Variants in ANKFN1 observed in about 807,000 individuals in gnomAD.
ANKFN1 encodes the protein ankyrin repeat and fibronectin type III domain containing 1, also known as ankyrin repeat and fibronectin type-III domain-containing protein 1.
ANKFN1 carries 74 observed loss-of-function variants against 108.7 expected under a neutral mutation model. The ratio of observed to expected loss-of-function variants is 0.68; its 90% CI spans 0.56 to 0.83. The LOEUF is 0.83. Among genes scored for constraint, ANKFN1 ranks in the 40% least tolerant of loss-of-function variants. ANKFN1 has a pLI of 0.00. For missense variants in ANKFN1, 1,505 were observed against 1,382.3 expected (o/e 1.09, Z -1.41); for synonymous variants, 547 against 516.2 (o/e 1.06, Z -0.81).
chr17:56,155,430 T>C (rs1483114693), intron 1 of ANKFN1, among the ~76,000 whole-genome samples: 1 of 152,242 alleles, frequency 6.6e-6, no homozygotes, highest in Non-Finnish European at 1.5e-5. Flanking sequence ...AGCCACGCTC[T>C]GTCTCTTCAT....
At chr17:56,171,212 C>G (rs1910668184) in intron 1 of ANKFN1, among the ~76,000 whole-genome samples, 1 of 152,042 alleles carries the variant, frequency 6.6e-6, no homozygotes, top group Non-Finnish European at 1.5e-5. Flanking sequence ...GTCTTATTTC[C>G]ATCTCCCCTG....
intron 1 of ANKFN1, among the ~76,000 whole-genome samples, chr17:56,164,994 G>A (rs1418059525): frequency 6.6e-6 from 1 of 152,178 alleles, no homozygotes; most frequent in African/African-American, 2.4e-5. Context: ...TGCTAGTTAG[G>A]TGGCACTGGA....
At chr17:56,360,963 T>G (rs1012922575) in intron 6 of ANKFN1, among the ~76,000 whole-genome samples, 3 of 152,218 alleles carry the variant, frequency 2.0e-5, no homozygotes, top group Admixed American at 2.0e-4. Flanking sequence ...AGTTGAAAAT[T>G]TGTACCCTTT....
intron 3 of ANKFN1, among the ~76,000 whole-genome samples, chr17:56,284,882 A>T (rs1177160352): frequency 2.0e-5 from 3 of 152,188 alleles, no homozygotes; most frequent in Non-Finnish European, 2.9e-5. Context: ...TGAGATGAGT[A>T]AAGAAGAGCA....
At chr17:56,422,168 A>G (rs1302024342) in intron 8 of ANKFN1, among the ~76,000 whole-genome samples, 2 of 152,190 alleles carry the variant, frequency 1.3e-5, no homozygotes, top group African/African-American at 4.8e-5. Flanking sequence ...TAAATTATGC[A>G]TTTTAAAAGT....
At chr17:56,453,263 T>G (rs2049556529) in intron 11 of ANKFN1, among the ~76,000 whole-genome samples, 1 of 152,132 alleles carries the variant, frequency 6.6e-6, no homozygotes, top group Non-Finnish European at 1.5e-5. Flanking sequence ...TCTCTTAATA[T>G]ATGTATATTG....
intron 8 of ANKFN1, among the ~76,000 whole-genome samples, chr17:56,424,906 A>G (rs886452966): frequency 1.3e-5 from 2 of 152,180 alleles, no homozygotes; most frequent in African/African-American, 4.8e-5. Flanking sequence ...CTCAACTCCA[A>G]CCAACTCTGA....
chr17:56,093,449 G>A (rs1905458202), intron 4 of ANKFN1, among the ~76,000 whole-genome samples: 1 of 151,154 alleles, frequency 6.6e-6, no homozygotes, highest in Non-Finnish European at 1.5e-5. Context: ...TAAGCATCAG[G>A]CAGTCTTCCC....
At chr17:56,215,977 A>C (rs1463048480) in intron 2 of ANKFN1, 1 of 152,366 alleles carries the variant, frequency 6.6e-6, no homozygotes, top group Non-Finnish European at 1.5e-5. Flanking sequence ...GGATAAAAAG[A>C]TGAGTAAACA....
intron 6 of ANKFN1, among the ~76,000 whole-genome samples, chr17:56,364,987 G>A (rs1000354100): frequency 3.3e-5 from 5 of 152,062 alleles, no homozygotes; most frequent in Admixed American, 1.3e-4. Context: ...TGGATAAATT[G>A]GAACTATGTT....
chr17:56,308,654 G>C (rs1364234445), intron 3 of ANKFN1, among the ~76,000 whole-genome samples: 1 of 152,062 alleles, frequency 6.6e-6, no homozygotes, highest in South Asian at 2.1e-4. Flanking sequence ...TTGATCTTAG[G>C]GGGAAGCATT....
chr17:56,159,991 C>T (rs1009032996), intron 1 of ANKFN1, among the ~76,000 whole-genome samples: 1 of 151,942 alleles, frequency 6.6e-6, no homozygotes, highest in African/African-American at 2.4e-5. Flanking sequence ...GAGGGGTGGG[C>T]CATCTGGTGT....
At chr17:56,166,435 G>A (rs1910133379) in intron 1 of ANKFN1, among the ~76,000 whole-genome samples, 1 of 152,198 alleles carries the variant, frequency 6.6e-6, no homozygotes, top group African/African-American at 2.4e-5. Context: ...ACTTCCAACA[G>A]ACCAGTTAAC....
intron 3 of ANKFN1, among the ~76,000 whole-genome samples, chr17:56,277,439 C>G (rs973780632): frequency 1.3e-5 from 2 of 151,890 alleles, no homozygotes. Flanking sequence ...AATAATAATG[C>G]TAATTATAAT....
chr17:56,388,100 A>G (rs2047326674), intron 8 of ANKFN1, among the ~76,000 whole-genome samples: 2 of 151,684 alleles, frequency 1.3e-5, no homozygotes, highest in South Asian at 4.2e-4. Context: ...TCTCTAATTA[A>G]TAAGCTTCTA....
At chr17:56,055,567 ATATATATATATATATATATATG>A (rs1239056015) in intron 4 of ANKFN1, among the ~76,000 whole-genome samples, 2 of 27,478 alleles carry the variant, frequency 7.3e-5, no homozygotes, top group Admixed American at 3.1e-4. Context: ...GTATATATAC[ATATATATATATATATATATATG>A]TATATATACA....
At chr17:56,427,256 C>T (rs1196181051) in intron 8 of ANKFN1, among the ~76,000 whole-genome samples, 1 of 152,080 alleles carries the variant, frequency 6.6e-6, no homozygotes, top group Admixed American at 6.5e-5. Flanking sequence ...AAACAGGTGA[C>T]TAAAAGATAT....
chr17:56,501,227 A>G (rs551359068), intron 20 of ANKFN1, among the ~76,000 whole-genome samples: 19 of 152,374 alleles, frequency 1.2e-4, no homozygotes, highest in South Asian at 4.1e-4. Flanking sequence ...GACAGAAGCC[A>G]GAAGCCAGAG....
chr17:56,326,957 A>T (rs12373157), intron 4 of ANKFN1, among the ~76,000 whole-genome samples: 16,269 of 152,170 alleles, frequency 0.11, 947 homozygotes, highest in Middle Eastern at 0.16. Context: ...TCCTTGCTTG[A>T]TCCACCACTA....
Sources: allele counts gnomAD v4.1 joint callset (sites outside exome capture counted in the v4.1 genomes callset), GRCh38; gene constraint gnomAD v4.1.1; transcripts MANE v1.5; gene names NCBI Gene and HGNC (gene_info 2026-07-23, HGNC 2026-07-21).